GALNT17: variants seen among roughly 807,000 people sequenced by gnomAD.
The protein encoded by GALNT17 is UDP-GalNAc:polypeptide N-acetylgalactosaminyltransferase-like 3.
GALNT17 carries 29 observed loss-of-function variants against 63.7 expected under a neutral mutation model. That is an observed-to-expected ratio of 0.46 (90% CI 0.34 to 0.62). The LOEUF is 0.62. GALNT17 is among the 20% of genes least tolerant of loss of function. The pLI is 0.01. For missense variants in GALNT17, 603 were observed against 799.6 expected, an observed-to-expected ratio of 0.75 and a Z score of 2.97; for synonymous variants, 305 against 318.3, an observed-to-expected ratio of 0.96 and a Z score of 0.45.
intron 6 of GALNT17, among the ~76,000 whole-genome samples, chr7:71,614,331 C>T (rs1252715265): frequency 6.6e-6 from 1 of 151,396 alleles, no homozygotes; most frequent in Non-Finnish European, 1.5e-5. Flanking sequence ...TTTTGGATTT[C>T]AGATTTCCAA....
chr7:71,709,788 G>A (rs919648211), intron 9 of GALNT17, among the ~76,000 whole-genome samples: 7 of 152,004 alleles, frequency 4.6e-5, no homozygotes, highest in Admixed American at 2.6e-4. Context: ...TAGAAGAGAC[G>A]GAGTTTGGCC....
chr7:71,638,961 A>G (rs1790566671), intron 6 of GALNT17, among the ~76,000 whole-genome samples: 1 of 152,230 alleles, frequency 6.6e-6, no homozygotes, highest in East Asian at 1.9e-4. Flanking sequence ...TGCAGGGGAG[A>G]TAAGGATGGT....
At chr7:71,315,338 G>T (rs1791481583) in intron 1 of GALNT17, among the ~76,000 whole-genome samples, 1 of 152,206 alleles carries the variant, frequency 6.6e-6, no homozygotes, top group South Asian at 2.1e-4. Flanking sequence ...TGAATCACTT[G>T]TGTACAGGTT....
chr7:71,228,019 A>G (rs539477473), intron 1 of GALNT17, among the ~76,000 whole-genome samples: 3 of 152,268 alleles, frequency 2.0e-5, no homozygotes, highest in Non-Finnish European at 2.9e-5. Flanking sequence ...AGGAGGAGAC[A>G]GTGGCCTGAG....
intron 6 of GALNT17, among the ~76,000 whole-genome samples, chr7:71,663,754 A>G (rs2117042310): frequency 6.6e-6 from 1 of 152,342 alleles, no homozygotes; most frequent in South Asian, 2.1e-4. Flanking sequence ...AATTCAGCCA[A>G]CAAAAGTCAA....
At chr7:71,403,900 G>A (rs991064321) in intron 3 of GALNT17, among the ~76,000 whole-genome samples, 1 of 152,168 alleles carries the variant, frequency 6.6e-6, no homozygotes, top group Non-Finnish European at 1.5e-5. Flanking sequence ...CAGCTTCTGA[G>A]CATTTGGAAT....
At chr7:71,245,206 G>A (rs971600350) in intron 1 of GALNT17, among the ~76,000 whole-genome samples, 6 of 152,042 alleles carry the variant, frequency 3.9e-5, no homozygotes, top group African/African-American at 1.5e-4. Context: ...TGTCATTGTC[G>A]ACAATAATAT....
intron 8 of GALNT17, 74 bp downstream of exon 8, chr7:71,670,183 TAG>T: frequency 6.3e-7 from 1 of 1,591,766 alleles, no homozygotes; most frequent in Non-Finnish European, 8.6e-7. Flanking sequence ...TGGGGAGAAA[TAG>T]AGTTGCTCAT....
intron 6 of GALNT17, among the ~76,000 whole-genome samples, chr7:71,627,383 C>T (rs7795733): frequency 0.8 from 121,959 of 152,182 alleles, 52,394 homozygotes; most frequent in East Asian, 0.99. Flanking sequence ...TGCACCATTG[C>T]GCCCTAGCCT....
intron 1 of GALNT17, among the ~76,000 whole-genome samples, chr7:71,272,986 T>G (rs1790619864): frequency 6.6e-6 from 1 of 152,074 alleles, no homozygotes; most frequent in African/African-American, 2.4e-5. Flanking sequence ...CACGATCATT[T>G]TTATTGCTTT....
intron 2 of GALNT17, among the ~76,000 whole-genome samples, chr7:71,349,666 A>G (rs1355769685): frequency 1.3e-5 from 2 of 152,226 alleles, no homozygotes; most frequent in African/African-American, 4.8e-5. Context: ...AATTGCTTTA[A>G]GTAGATGTAC....
chr7:71,298,207 G>C (rs891293651), intron 1 of GALNT17, among the ~76,000 whole-genome samples: 10 of 151,696 alleles, frequency 6.6e-5, no homozygotes, highest in Admixed American at 1.3e-4. Context: ...TTTTAGTAGA[G>C]ATGGGGTTCA....
In GALNT17 at chr7:71,712,534, A is replaced by G; in HGVS notation, c.*388A>G. The G allele has an allele frequency of 6.1e-6, 1 of 164,536 alleles. No homozygotes were observed. 10.2% of individuals were successfully genotyped at this position (164,536 alleles called of 1,614,324 possible). A position where few individuals can be genotyped will look rare whatever the true frequency, so the allele number is the denominator to read the frequency against. ...CATCTCTTGCAGCAGCAGCTGCTGA[A>G]CTCCAGCCATCAACACGGTGGGAGG... On this transcript the variant is annotated 3_prime_UTR_variant, in exon 11 of 11. Transcript: ENST00000333538.
intron 1 of GALNT17, among the ~76,000 whole-genome samples, chr7:71,326,085 T>A (rs148588953): frequency 6.6e-6 from 1 of 152,340 alleles, no homozygotes; most frequent in Admixed American, 6.5e-5. Context: ...ACGTCTGTGT[T>A]CTTCTAGGTT....
At chr7:71,289,833 C>T (rs535588524) in intron 1 of GALNT17, among the ~76,000 whole-genome samples, 29 of 149,918 alleles carry the variant, frequency 1.9e-4, no homozygotes, top group African/African-American at 6.6e-4. Flanking sequence ...GAGCCAAGAT[C>T]GTGCCGTTGC....
rs1466213745 is a variant in GALNT17, at chr7:71,158,990, TC to T, written c.238+25951del. ...TTTTTATATTTCTTAAAGTGTAAAATCTGCTCCTCGTCTGGTGTTTCCTATA... is the reference window on the plus strand; with the variant it reads ...TTTTTATATTTCTTAAAGTGTAAAATTGCTCCTCGTCTGGTGTTTCCTATA... On this transcript the variant is annotated intron_variant, in intron 1 of 10. Coordinates refer to ENST00000333538, the MANE Select transcript of GALNT17 (RefSeq NM_022479.3). 6.6e-5 allele frequency among the ~76,000 whole-genome samples: 10 copies of T among 151,998 alleles called. No homozygotes were observed. The East Asian group carries it at 1.9e-3, about 29-fold the overall frequency.
At chr7:71,342,726 A>G (rs1358675754) in intron 2 of GALNT17, among the ~76,000 whole-genome samples, 1 of 152,182 alleles carries the variant, frequency 6.6e-6, no homozygotes, top group Non-Finnish European at 1.5e-5. Context: ...AAGAAAACTA[A>G]ATCTACATCT....
Position 71,540,804 on chromosome 7 carries a change from C to G in GALNT17, c.963-30481C>G, listed in dbSNP as rs529446168. On this transcript the variant is annotated intron_variant, in intron 5 of 10. Coordinates refer to ENST00000333538, the MANE Select transcript of GALNT17 (RefSeq NM_022479.3). Reference sequence around the variant, plus strand: ...TCAAACTGCCCCTGATGACAGCATTCACCAGTGGGCCATTTTCTTAGTTAA... The same window carrying G: ...TCAAACTGCCCCTGATGACAGCATTGACCAGTGGGCCATTTTCTTAGTTAA... Among the ~76,000 whole-genome samples the G allele has an allele frequency of 5.9e-5, 9 of 152,304 alleles. No homozygotes were observed. In the East Asian group the frequency reaches 1.5e-3, roughly 26 times the overall value.
intron 1 of GALNT17, among the ~76,000 whole-genome samples, chr7:71,252,631 T>C (rs138340578): frequency 6.6e-6 from 1 of 152,282 alleles, no homozygotes; most frequent in African/African-American, 2.4e-5. Context: ...AATATTGACA[T>C]GTTAAGTTGG....
Sources: allele counts gnomAD v4.1 joint callset (sites outside exome capture counted in the v4.1 genomes callset), GRCh38; gene constraint gnomAD v4.1.1; transcripts MANE v1.5; gene names NCBI Gene and HGNC (gene_info 2026-07-23, HGNC 2026-07-21).